MTUS1: variants seen among roughly 807,000 people sequenced by gnomAD.
The protein encoded by MTUS1 is microtubule associated scaffold protein 1, also known as microtubule-associated tumor suppressor 1.
MTUS1 carries 109 observed loss-of-function variants against 120.8 expected under a neutral mutation model. The observed-to-expected ratio is 0.90, with a 90% CI of 0.77 to 1.06. The LOEUF is 1.06. MTUS1 is among the 50% of genes least tolerant of loss of function. The probability of loss-of-function intolerance (pLI) is 0.00; values close to 1 mark genes in which losing one functional copy is unlikely to be tolerated. For missense variants in MTUS1, 2,210 were observed against 1,486.3 expected, an observed-to-expected ratio of 1.49 and a Z score of -8.01; for synonymous variants, 737 against 550.5, an observed-to-expected ratio of 1.34 and a Z score of -4.74.
At chr8:17,734,672 C>T (rs986069437) in intron 3 of MTUS1, among the ~76,000 whole-genome samples, 1 of 152,106 alleles carries the variant, frequency 6.6e-6, no homozygotes, top group African/African-American at 2.4e-5. Context: ...GGGAATAAAC[C>T]AAAGACTTAA....
intron 1 of MTUS1, among the ~76,000 whole-genome samples, chr8:17,758,716 C>A (rs1327416871): frequency 6.6e-6 from 1 of 152,172 alleles, no homozygotes; most frequent in Non-Finnish European, 1.5e-5. Flanking sequence ...ATGCAAAGTG[C>A]ACTGCAAACA....
At chr8:17,784,852 T>C (rs1007837825) in intron 1 of MTUS1, among the ~76,000 whole-genome samples, 2 of 151,952 alleles carry the variant, frequency 1.3e-5, no homozygotes, top group African/African-American at 4.8e-5. Flanking sequence ...TGGTGCAATC[T>C]TGGCTCACTG....
intron 1 of MTUS1, among the ~76,000 whole-genome samples, chr8:17,794,753 G>A (rs1195807958): frequency 6.6e-6 from 1 of 152,186 alleles, no homozygotes; most frequent in Non-Finnish European, 1.5e-5. Context: ...AACAGTGCAA[G>A]GTGACTTAAT....
In MTUS1 at chr8:17,774,971, TAAA is replaced by T. The variant is rs76567642; in HGVS notation, c.-154-19013_-154-19011del. Among the ~76,000 whole-genome samples, 451 of 96,974 alleles carry T rather than the reference TAAA, an allele frequency of 4.7e-3. 5 individuals are homozygous for T. Among genetic ancestry groups the T allele is most frequent in the Middle Eastern group, 0.026 (3 of 116 alleles). The allele number at this position is 96,974 out of a possible 152,430, so 63.6% of individuals were successfully genotyped here. ...GGCTGAACCCTGAAAATATTATAAG[TAAA>T]AAAAAAAAAAAAAAAAAAACCAGAA... is the stretch of plus-strand genomic sequence containing the variant. On this transcript the variant is annotated intron_variant, in intron 1 of 14. Coordinates refer to ENST00000693296, the MANE Select transcript of MTUS1 (RefSeq NM_001363059.2).
intron 6 of MTUS1, among the ~76,000 whole-genome samples, chr8:17,702,495 G>A (rs905308065): frequency 1.3e-4 from 19 of 151,968 alleles, no homozygotes; most frequent in South Asian, 2.1e-4. Context: ...CAAACATCTC[G>A]AAAACCTTTT....
intron 4 of MTUS1, among the ~76,000 whole-genome samples, chr8:17,721,389 C>T (rs1249681488): frequency 6.6e-6 from 1 of 152,102 alleles, no homozygotes. Context: ...TGCACAACTA[C>T]CAGCTACATA....
chr8:17,748,877 T>C (rs1045355580), intron 2 of MTUS1, among the ~76,000 whole-genome samples: 4 of 152,208 alleles, frequency 2.6e-5, no homozygotes, highest in Non-Finnish European at 5.9e-5. Context: ...TAATACATAG[T>C]ATGCACCCAA....
At chr8:17,761,030 G>A (rs565942563) in intron 1 of MTUS1, among the ~76,000 whole-genome samples, 1 of 152,050 alleles carries the variant, frequency 6.6e-6, no homozygotes, top group East Asian at 1.9e-4. Flanking sequence ...CTTTTTCAGA[G>A]AACATTTTGG....
intron 6 of MTUS1, among the ~76,000 whole-genome samples, chr8:17,709,455 A>G (rs1291203412): frequency 6.6e-6 from 1 of 151,984 alleles, no homozygotes; most frequent in Non-Finnish European, 1.5e-5. Flanking sequence ...TAACTATCCT[A>G]TTAGCTCTCC....
intron 8 of MTUS1, among the ~76,000 whole-genome samples, chr8:17,657,438 G>C (rs559975065): frequency 6.7e-6 from 1 of 149,918 alleles, no homozygotes; most frequent in Non-Finnish European, 1.5e-5. Flanking sequence ...CGTAGTGACG[G>C]GCGCCTGTAG....
chr8:17,688,402 C>G (rs748716225), intron 6 of MTUS1, among the ~76,000 whole-genome samples: 12 of 152,178 alleles, frequency 7.9e-5, no homozygotes, highest in Non-Finnish European at 1.3e-4. Flanking sequence ...CTCCAAATCT[C>G]AACCTATCTG....
At chr8:17,714,378 C>T (rs1821909582) in intron 5 of MTUS1, among the ~76,000 whole-genome samples, 1 of 152,150 alleles carries the variant, frequency 6.6e-6, no homozygotes. Flanking sequence ...AGTAACACCT[C>T]TGAGAAAGTT....
intron 7 of MTUS1, among the ~76,000 whole-genome samples, chr8:17,683,911 TAACTC>T (rs1815165019): frequency 1.3e-5 from 2 of 152,184 alleles, no homozygotes; most frequent in Non-Finnish European, 2.9e-5. Flanking sequence ...TTCAGGGAGT[TAACTC>T]AAAAGTGCTC....
chr8:17,758,921 G>A (rs567135008), intron 1 of MTUS1, among the ~76,000 whole-genome samples: 150 of 152,250 alleles, frequency 9.9e-4, no homozygotes, highest in Non-Finnish European at 5.1e-4. Flanking sequence ...TGGCACTGTC[G>A]CCCGGGCTGG....
intron 1 of MTUS1, among the ~76,000 whole-genome samples, chr8:17,775,898 T>C (rs2050389530): frequency 6.6e-6 from 1 of 152,092 alleles, no homozygotes; most frequent in Non-Finnish European, 1.5e-5. Flanking sequence ...CATTTCAGAG[T>C]GAAGTCAAGG....
At position 17,755,227 on chromosome 8, in the gene MTUS1, C is replaced by A. The variant is rs202123481; in HGVS notation, c.581G>T (p.Gly194Val). 1,127 of 1,614,206 alleles carry A rather than the reference C, an allele frequency of 7.0e-4. 12 individuals carry two copies. In the South Asian group the frequency reaches 0.01, roughly 15 times the overall value. ...FHTAGSLPPT[G>V]RRSGSTSSLS... ...AGAAGATGTACTTCCACTTCTCCTA[C>A]CAGTTGGTGGCAGGCTTCCAGCAGT... Residue 194 changes from glycine (G) to valine (V), a missense_variant, in exon 2 of 15, where the codon GGT becomes GTT. Gly to Val is a moderately radical substitution (Grantham distance 109). Transcript: ENST00000693296.
At chr8:17,770,780 C>T (rs1158165506) in intron 1 of MTUS1, among the ~76,000 whole-genome samples, 3 of 152,166 alleles carry the variant, frequency 2.0e-5, no homozygotes, top group South Asian at 2.1e-4. Context: ...AAAACTTGTA[C>T]GCAGATGTTT....
At position 17,652,571 on chromosome 8, in the gene MTUS1, G is replaced by A. The variant is rs559538690; in HGVS notation, c.3384+615C>T. On this transcript the variant is annotated intron_variant, in intron 12 of 14. Coordinates refer to ENST00000693296, the MANE Select transcript of MTUS1 (RefSeq NM_001363059.2). ...TAAAAATGTTCTAGAAAGAGGTACT[G>A]GTGACCAATGGACAACTTTATGAAT... Among the ~76,000 whole-genome samples the A allele has an allele frequency of 2.6e-3, 398 of 152,168 alleles. 2 individuals carry two copies. Among genetic ancestry groups the A allele is most frequent in the African/African-American group, 8.9e-3 (368 of 41,516 alleles).
intron 8 of MTUS1, among the ~76,000 whole-genome samples, chr8:17,656,866 T>C (rs1188524869): frequency 6.6e-6 from 1 of 151,114 alleles, no homozygotes; most frequent in African/African-American, 2.4e-5. Context: ...GGTCAGGAGA[T>C]CGAGACCACG....
Sources: allele counts gnomAD v4.1 joint callset (sites outside exome capture counted in the v4.1 genomes callset), GRCh38; gene constraint gnomAD v4.1.1; transcripts MANE v1.5; gene names NCBI Gene and HGNC (gene_info 2026-07-23, HGNC 2026-07-21).